The following EPC2 variants were observed in gnomAD, a reference collection of about 807,000 sequenced individuals.
EPC2 encodes enhancer of polycomb homolog 2.
A neutral mutation model predicts 92.1 loss-of-function variants in EPC2; 14 were observed. The ratio of observed to expected loss-of-function variants is 0.15; its 90% CI spans 0.10 to 0.24. The LOEUF (loss-of-function observed/expected upper bound fraction) is 0.24, where lower values mean the gene tolerates loss of function less well. EPC2 is among the 10% of genes least tolerant of loss of function. EPC2 has a pLI of 1.00. For missense variants in EPC2, 755 were observed against 971.5 expected, an observed-to-expected ratio of 0.78 and a Z score of 2.96; for synonymous variants, 340 against 334.7, an observed-to-expected ratio of 1.02 and a Z score of -0.17.
chr2:148,781,917 A>G, intron 11 of EPC2, 137 bp downstream of exon 11: 2 of 953,594 alleles, frequency 2.1e-6, no homozygotes, highest in Non-Finnish European at 3.1e-6. Flanking sequence ...ATTTCTTTTC[A>G]GTTAATGTAC....
chr2:148,709,739 A>G (rs1048636972), intron 2 of EPC2, among the ~76,000 whole-genome samples: 2 of 152,238 alleles, frequency 1.3e-5, no homozygotes, highest in Admixed American at 6.5e-5. Flanking sequence ...AAAACAAGCA[A>G]TGGGGAAAAG....
At chr2:148,755,695 G>A (rs926611080) in intron 4 of EPC2, among the ~76,000 whole-genome samples, 4 of 152,320 alleles carry the variant, frequency 2.6e-5, no homozygotes, top group African/African-American at 9.6e-5. Flanking sequence ...GTTTATGTAA[G>A]TACACTGTGA....
chr2:148,691,565 T>C (rs1169838371), intron 2 of EPC2: 4 of 1,550,468 alleles, frequency 2.6e-6, no homozygotes, highest in Admixed American at 2.0e-5. Flanking sequence ...TAAATTGCTG[T>C]TGTTCAGGAT....
At chr2:148,773,790 AAGTGAATTC>A (rs1202981631) in intron 10 of EPC2, among the ~76,000 whole-genome samples, 1 of 152,184 alleles carries the variant, frequency 6.6e-6, no homozygotes, top group South Asian at 2.1e-4. Context: ...AGATAATTTT[AAGTGAATTC>A]AGTTACAGTT....
intron 1 of EPC2, among the ~76,000 whole-genome samples, chr2:148,671,927 G>A (rs1355870818): frequency 6.6e-6 from 1 of 152,072 alleles, no homozygotes; most frequent in Non-Finnish European, 1.5e-5. Flanking sequence ...GTTTTAGTAG[G>A]TGAGTTAAAT....
intron 1 of EPC2, among the ~76,000 whole-genome samples, chr2:148,679,428 C>G (rs1441891878): frequency 6.6e-6 from 1 of 152,152 alleles, no homozygotes; most frequent in African/African-American, 2.4e-5. Context: ...CTAATAAGCA[C>G]ATGATTGCAG....
At chr2:148,692,838 G>T (rs1010717179) in intron 2 of EPC2, 47 of 151,928 alleles carry the variant, frequency 3.1e-4, no homozygotes, top group African/African-American at 8.2e-4. Context: ...TCTTGTGTTG[G>T]TTTTTTTCAT....
chr2:148,728,505 G>C (rs1682542195), intron 2 of EPC2, among the ~76,000 whole-genome samples: 1 of 151,942 alleles, frequency 6.6e-6, no homozygotes, highest in South Asian at 2.1e-4. Context: ...CACTTTGGGA[G>C]GCCTAGACTT....
intron 3 of EPC2, among the ~76,000 whole-genome samples, chr2:148,751,438 A>G (rs1683081242): frequency 6.6e-6 from 1 of 152,124 alleles, no homozygotes; most frequent in Non-Finnish European, 1.5e-5. Flanking sequence ...TAATAAATTT[A>G]CCAGACTTTT....
In EPC2 at chr2:148,737,626, T is replaced by G. The variant is rs935701233; in HGVS notation, c.314-5996T>G. ...GAAGCAACGTTTGTAGGTCAAACCTTCAGTCTGATACTATTTGGAAGGAAA... is the reference window on the plus strand; with the variant it reads ...GAAGCAACGTTTGTAGGTCAAACCTGCAGTCTGATACTATTTGGAAGGAAA... On this transcript the variant is annotated intron_variant, in intron 2 of 13. Coordinates refer to ENST00000258484, the MANE Select transcript of EPC2 (RefSeq NM_015630.4). Among the ~76,000 whole-genome samples, 4 of 152,124 alleles carry G rather than the reference T, an allele frequency of 2.6e-5. No individual in the cohort carries two copies. In the East Asian group the frequency reaches 7.7e-4, roughly 29 times the overall value.
At position 148,647,272 on chromosome 2, in the gene EPC2, T is replaced by C. The variant is rs1683822684; in HGVS notation, c.153+2102T>C. 2.0e-5 allele frequency among the ~76,000 whole-genome samples: 3 copies of C among 152,352 alleles called. No homozygotes were observed. The South Asian group carries it at 6.2e-4, about 32-fold the overall frequency. On this transcript the variant is annotated intron_variant, in intron 1 of 13. Transcript: ENST00000258484. ...CTTAGAGTAATTTTTTCATGCTTCA[T>C]TAAAAATAAAAGTGCTTAACTCGTG...
At chr2:148,714,689 G>T (rs774634342) in intron 2 of EPC2, among the ~76,000 whole-genome samples, 24 of 152,098 alleles carry the variant, frequency 1.6e-4, no homozygotes, top group Non-Finnish European at 3.1e-4. Flanking sequence ...TTTCATGTTT[G>T]TTGGCCACAT....
At chr2:148,723,701 A>G (rs1209983169) in intron 2 of EPC2, among the ~76,000 whole-genome samples, 1 of 152,134 alleles carries the variant, frequency 6.6e-6, no homozygotes, top group Non-Finnish European at 1.5e-5. Flanking sequence ...TCTTACTTAC[A>G]ATTTTGTTTT....
At chr2:148,752,138 C>T (rs377528059) in intron 3 of EPC2, among the ~76,000 whole-genome samples, 25 of 152,094 alleles carry the variant, frequency 1.6e-4, no homozygotes, top group Non-Finnish European at 2.4e-4. Flanking sequence ...AACTCATTAA[C>T]GTTCTGCTGA....
At chr2:148,699,707 A>G (rs897474528) in intron 2 of EPC2, among the ~76,000 whole-genome samples, 4 of 152,178 alleles carry the variant, frequency 2.6e-5, no homozygotes, top group African/African-American at 9.7e-5. Flanking sequence ...AAACATTTGT[A>G]TGTAGGTTTT....
At chr2:148,684,754 A>G (rs1267683252) in intron 1 of EPC2, among the ~76,000 whole-genome samples, 2 of 152,220 alleles carry the variant, frequency 1.3e-5, no homozygotes, top group Non-Finnish European at 2.9e-5. Flanking sequence ...TTTGGGTTAT[A>G]CAGTCAAGAC....
At chr2:148,713,720 A>G (rs1362796985) in intron 2 of EPC2, among the ~76,000 whole-genome samples, 1 of 152,204 alleles carries the variant, frequency 6.6e-6, no homozygotes, top group Non-Finnish European at 1.5e-5. Context: ...ATGTTTAGAT[A>G]TACAGATACT....
At chr2:148,720,268 C>G (rs1406216881) in intron 2 of EPC2, among the ~76,000 whole-genome samples, 2 of 152,190 alleles carry the variant, frequency 1.3e-5, no homozygotes, top group African/African-American at 4.8e-5. Context: ...CTCGTCTGGA[C>G]CATTTGGACT....
intron 2 of EPC2, among the ~76,000 whole-genome samples, chr2:148,693,697 AC>A (rs1157287221): frequency 6.6e-6 from 1 of 152,088 alleles, no homozygotes; most frequent in Non-Finnish European, 1.5e-5. Context: ...AATTTCTTTA[AC>A]CCATCATGCT....
Sources: allele counts gnomAD v4.1 joint callset (sites outside exome capture counted in the v4.1 genomes callset), GRCh38; gene constraint gnomAD v4.1.1; transcripts MANE v1.5; gene names NCBI Gene and HGNC (gene_info 2026-07-23, HGNC 2026-07-21).